The following RPRD1A variants were observed in gnomAD, a reference collection of about 807,000 sequenced individuals.
RPRD1A encodes regulation of nuclear pre-mRNA domain-containing protein 1A.
A neutral mutation model predicts 37.8 loss-of-function variants in RPRD1A; 9 were observed. That is an observed-to-expected ratio of 0.24 (90% CI 0.14 to 0.42). RPRD1A has a LOEUF of 0.42. Among genes scored for constraint, RPRD1A ranks in the 10% least tolerant of loss-of-function variants. The pLI is 1.00. For synonymous variants in RPRD1A, 138 were observed against 139.7 expected (o/e 0.99, Z 0.08); for missense variants, 255 against 371.0 (o/e 0.69, Z 2.57).
At chr18:36,019,343 G>A (rs986878952) in intron 6 of RPRD1A, among the ~76,000 whole-genome samples, 3 of 151,950 alleles carry the variant, frequency 2.0e-5, no homozygotes, top group Non-Finnish European at 2.9e-5. Flanking sequence ...TCCTGACCTC[G>A]TCATCCACCC....
At position 35,991,702 on chromosome 18, in the gene RPRD1A, A is replaced by G. The variant is rs1283634490; in HGVS notation, c.*1449T>C. 1 of 152,216 alleles carries G rather than the reference A, an allele frequency of 6.6e-6. No homozygotes were observed. The allele number at this position is 152,216 out of a possible 1,614,324, so 9.4% of individuals were successfully genotyped here. ...TTATATGTGTCTCTGTTTTGGAGAGAGGTCAAATTGTTAAAAGAACTATTT... is the reference window on the plus strand; with the variant it reads ...TTATATGTGTCTCTGTTTTGGAGAGGGGTCAAATTGTTAAAAGAACTATTT... On this transcript the variant is annotated 3_prime_UTR_variant, in exon 7 of 7. Transcript: ENST00000399022.
intron 6 of RPRD1A, among the ~76,000 whole-genome samples, chr18:36,004,058 G>T (rs1909589967): frequency 7.7e-6 from 1 of 129,256 alleles, no homozygotes; most frequent in Non-Finnish European, 1.5e-5. Flanking sequence ...TGCGTAGGCT[G>T]TTCTTGAACT....
intron 6 of RPRD1A, among the ~76,000 whole-genome samples, chr18:36,018,144 T>C (rs2051783415): frequency 6.6e-6 from 1 of 152,228 alleles, no homozygotes; most frequent in African/African-American, 2.4e-5. Flanking sequence ...TAACCAATTA[T>C]GTTGGATATA....
intron 6 of RPRD1A, among the ~76,000 whole-genome samples, chr18:36,009,543 T>TC (rs1371862413): frequency 1.3e-5 from 2 of 152,244 alleles, no homozygotes; most frequent in African/African-American, 4.8e-5. Flanking sequence ...CACTGTTCCA[T>TC]CTTCTGTGAA....
At chr18:36,004,997 C>G (rs930754800) in intron 6 of RPRD1A, among the ~76,000 whole-genome samples, 7 of 152,176 alleles carry the variant, frequency 4.6e-5, no homozygotes, top group African/African-American at 1.7e-4. Context: ...TTCACAGAGA[C>G]TTTTTAAAAA....
chr18:36,019,933 A>G (rs1300085498), intron 6 of RPRD1A, among the ~76,000 whole-genome samples: 1 of 152,186 alleles, frequency 6.6e-6, no homozygotes, highest in African/African-American at 2.4e-5. Context: ...CCAGCTACTC[A>G]GGAGGCTGAG....
chr18:36,031,676 T>C (rs767582436), intron 2 of RPRD1A, among the ~76,000 whole-genome samples: 14 of 152,224 alleles, frequency 9.2e-5, no homozygotes, highest in African/African-American at 3.4e-4. Flanking sequence ...ACCTCCTTCA[T>C]TGCTATCACT....
At chr18:36,007,362 A>C (rs1334449285) in intron 6 of RPRD1A, among the ~76,000 whole-genome samples, 1 of 152,198 alleles carries the variant, frequency 6.6e-6, no homozygotes, top group Non-Finnish European at 1.5e-5. Context: ...ACAAGAAACA[A>C]GGATAGATAT....
At chr18:36,006,864 C>G (rs1222673959) in intron 6 of RPRD1A, among the ~76,000 whole-genome samples, 1 of 152,144 alleles carries the variant, frequency 6.6e-6, no homozygotes, top group Non-Finnish European at 1.5e-5. Context: ...CTAGATGCTC[C>G]CCTCCTTCCC....
At chr18:36,046,631 G>A (rs1430791428) in intron 1 of RPRD1A, among the ~76,000 whole-genome samples, 3 of 151,814 alleles carry the variant, frequency 2.0e-5, no homozygotes, top group Non-Finnish European at 2.9e-5. Flanking sequence ...AGGAGTTCAA[G>A]GCCAGCCCGG....
intron 1 of RPRD1A, among the ~76,000 whole-genome samples, chr18:36,047,263 TTAAC>T (rs1287884969): frequency 6.6e-6 from 1 of 151,772 alleles, no homozygotes; most frequent in Non-Finnish European, 1.5e-5. Flanking sequence ...TAAAAATCCT[TTAAC>T]TAGCATATAA....
chr18:36,058,432 T>C (rs933726999), intron 1 of RPRD1A, among the ~76,000 whole-genome samples: 8 of 152,160 alleles, frequency 5.3e-5, no homozygotes, highest in Non-Finnish European at 5.9e-5. Flanking sequence ...AAATTACAGA[T>C]TGTTTGTTTA....
chr18:36,029,896 C>T (rs1665342939), intron 4 of RPRD1A, among the ~76,000 whole-genome samples: 1 of 151,762 alleles, frequency 6.6e-6, no homozygotes, highest in African/African-American at 2.4e-5. Flanking sequence ...AGCTCCGCCT[C>T]CCAGGTTCAC....
At position 35,989,939 on chromosome 18, in the gene RPRD1A, C is replaced by T. The variant is rs553152460; in HGVS notation, c.*3212G>A. 2 of 152,312 alleles carry T rather than the reference C, an allele frequency of 1.3e-5. No individual in the cohort carries two copies. The highest frequency in any genetic ancestry group is 3.8e-4 in the East Asian group (2 of 5,196). The allele number at this position is 152,312 out of a possible 1,614,324, so 9.4% of individuals were successfully genotyped here. On this transcript the variant is annotated 3_prime_UTR_variant, in exon 7 of 7. Transcript: ENST00000399022. ...AGTTCATCTTCCCATGTGCTATTGCCACCTCAGAACAGACTCCTGTGTGGA... is the reference window on the plus strand; with the variant it reads ...AGTTCATCTTCCCATGTGCTATTGCTACCTCAGAACAGACTCCTGTGTGGA...
chr18:36,056,072 A>G (rs1913745174), intron 1 of RPRD1A, among the ~76,000 whole-genome samples: 2 of 152,172 alleles, frequency 1.3e-5, no homozygotes, highest in Admixed American at 1.3e-4. Context: ...TTAATAGAAA[A>G]ATTTTAATAG....
chr18:36,019,761 C>T (rs1247505593), intron 6 of RPRD1A, among the ~76,000 whole-genome samples: 3 of 152,018 alleles, frequency 2.0e-5, no homozygotes, highest in Non-Finnish European at 2.9e-5. Flanking sequence ...GTTGGACGGC[C>T]GGGTGTGGTG....
At chr18:36,001,562 A>G (rs1226991452) in intron 6 of RPRD1A, among the ~76,000 whole-genome samples, 1 of 152,156 alleles carries the variant, frequency 6.6e-6, no homozygotes, top group Non-Finnish European at 1.5e-5. Flanking sequence ...ATCATTCCAT[A>G]AGGTTTTCAC....
At chr18:36,057,618 AT>A (rs1370897489) in intron 1 of RPRD1A, among the ~76,000 whole-genome samples, 3 of 152,120 alleles carry the variant, frequency 2.0e-5, no homozygotes, top group African/African-American at 4.8e-5. Flanking sequence ...TCTCAAAAAA[AT>A]AAATAAATAA....
chr18:35,997,296 G>A (rs1046061653), intron 6 of RPRD1A, among the ~76,000 whole-genome samples: 15 of 151,674 alleles, frequency 9.9e-5, no homozygotes, highest in Admixed American at 2.0e-4. Flanking sequence ...TACTATTTTC[G>A]GACCATGTAA....
Sources: gnomAD v4.1 joint callset for allele counts (sites outside exome capture counted in the v4.1 genomes callset) on GRCh38, gnomAD v4.1.1 for gene constraint, MANE v1.5 for transcripts, NCBI Gene and HGNC (gene_info 2026-07-23, HGNC 2026-07-21) for gene names.